DCC: variants seen among roughly 807,000 people sequenced by gnomAD.
The protein encoded by DCC is DCC netrin 1 receptor.
Under a neutral mutation model 172.5 loss-of-function variants are expected in DCC, and 58 were observed. That is an observed-to-expected ratio of 0.34 (90% confidence interval 0.27 to 0.42). DCC has a LOEUF of 0.42. Among genes scored for constraint, DCC ranks in the 10% least tolerant of loss-of-function variants. DCC has a pLI of 1.00. For missense variants in DCC, 1,740 were observed against 1,791.0 expected, an observed-to-expected ratio of 0.97 and a Z score of 0.51; for synonymous variants, 709 against 644.5, an observed-to-expected ratio of 1.10 and a Z score of -1.52.
At chr18:53,273,560 C>A (rs1320643392) in intron 12 of DCC, among the ~76,000 whole-genome samples, 3 of 152,086 alleles carry the variant, frequency 2.0e-5, no homozygotes, top group Non-Finnish European at 4.4e-5. Context: ...CTCAGTTCCA[C>A]TTTAAAAATT....
intron 1 of DCC, among the ~76,000 whole-genome samples, chr18:52,490,063 G>A (rs1426004444): frequency 6.6e-6 from 1 of 152,116 alleles, no homozygotes; most frequent in Non-Finnish European, 1.5e-5. Context: ...GTTCCCAGGA[G>A]AGCTGTTGGG....
chr18:52,879,412 C>CCTTTTTTT (rs2039447955), intron 2 of DCC, among the ~76,000 whole-genome samples: 1 of 62,356 alleles, frequency 1.6e-5, no homozygotes, highest in African/African-American at 6.9e-5. Flanking sequence ...TGTTGTTTGG[C>CCTTTTTTT]TTTTTTTTTT....
intron 2 of DCC, among the ~76,000 whole-genome samples, chr18:52,802,506 A>G (rs1568113679): frequency 6.6e-6 from 1 of 150,622 alleles, no homozygotes; most frequent in African/African-American, 2.4e-5. Flanking sequence ...ACAAGGTCTC[A>G]CTCTCTTGTC....
intron 9 of DCC, among the ~76,000 whole-genome samples, chr18:53,188,834 A>T (rs1598888973): frequency 6.6e-6 from 1 of 152,138 alleles, no homozygotes; most frequent in East Asian, 1.9e-4. Context: ...CTTGGCTGGT[A>T]GCTGCATAAT....
intron 5 of DCC, among the ~76,000 whole-genome samples, chr18:52,975,497 C>T (rs1416577550): frequency 6.6e-6 from 1 of 152,056 alleles, no homozygotes; most frequent in Non-Finnish European, 1.5e-5. Context: ...TTTTCCTGAT[C>T]CTCTCCCTCC....
intron 5 of DCC, among the ~76,000 whole-genome samples, chr18:53,018,546 TTCTC>T (rs1368485247): frequency 1.3e-5 from 2 of 152,178 alleles, no homozygotes; most frequent in African/African-American, 4.8e-5. Context: ...AAATATCTCT[TTCTC>T]AGGGATGATT....
At chr18:52,495,006 A>G (rs569879966) in intron 1 of DCC, among the ~76,000 whole-genome samples, 1 of 152,234 alleles carries the variant, frequency 6.6e-6, no homozygotes, top group African/African-American at 2.4e-5. Flanking sequence ...GACTGAGCTG[A>G]ATCAAGGCTG....
chr18:53,058,397 C>T (rs755320229), intron 5 of DCC, among the ~76,000 whole-genome samples: 3 of 152,006 alleles, frequency 2.0e-5, no homozygotes, highest in Admixed American at 2.0e-4. Flanking sequence ...ATTTTGAGAA[C>T]AGAAGTGGTA....
At chr18:52,959,693 G>A (rs2040809710) in intron 5 of DCC, among the ~76,000 whole-genome samples, 1 of 152,002 alleles carries the variant, frequency 6.6e-6, no homozygotes, top group African/African-American at 2.4e-5. Context: ...TCACACATGG[G>A]AGGCACACAA....
chr18:53,147,313 C>T (rs1421679381), intron 7 of DCC, among the ~76,000 whole-genome samples: 2 of 151,978 alleles, frequency 1.3e-5, no homozygotes, highest in Non-Finnish European at 2.9e-5. Context: ...CTTTTTCTTT[C>T]TCTCTCTCTC....
chr18:52,471,847 C>T (rs1200851597), intron 1 of DCC, among the ~76,000 whole-genome samples: 1 of 152,162 alleles, frequency 6.6e-6, no homozygotes, highest in African/African-American at 2.4e-5. Context: ...ACCTTGAATT[C>T]TCATTATTGT....
intron 5 of DCC, among the ~76,000 whole-genome samples, chr18:52,926,803 A>ATG (rs2040209064): frequency 1.4e-5 from 2 of 145,342 alleles, no homozygotes; most frequent in Non-Finnish European, 3.0e-5. Context: ...ACACACACAT[A>ATG]TACATATGTG....
chr18:53,460,285 T>G (rs1309563031), intron 24 of DCC, among the ~76,000 whole-genome samples: 3 of 118,468 alleles, frequency 2.5e-5, no homozygotes, highest in African/African-American at 5.9e-5. Flanking sequence ...TTTTTTTTTT[T>G]TTTTTTTTTT....
At chr18:53,501,795 C>G (rs1373747253) in intron 27 of DCC, among the ~76,000 whole-genome samples, 1 of 152,176 alleles carries the variant, frequency 6.6e-6, no homozygotes, top group Non-Finnish European at 1.5e-5. Flanking sequence ...TCAACCTATG[C>G]TCTGAAGTGC....
intron 11 of DCC, among the ~76,000 whole-genome samples, chr18:53,211,683 C>G (rs2055755296): frequency 6.6e-6 from 1 of 152,148 alleles, no homozygotes; most frequent in East Asian, 1.9e-4. Context: ...GAGATCGTGC[C>G]TCTGCACTGC....
At chr18:52,512,580 A>T (rs1237136121) in intron 1 of DCC, among the ~76,000 whole-genome samples, 1 of 152,196 alleles carries the variant, frequency 6.6e-6, no homozygotes, top group African/African-American at 2.4e-5. Flanking sequence ...TTCAAAATCC[A>T]TTGTCATATT....
chr18:53,281,322 A>G (rs2056869176), intron 12 of DCC, among the ~76,000 whole-genome samples: 1 of 152,152 alleles, frequency 6.6e-6, no homozygotes, highest in East Asian at 1.9e-4. Flanking sequence ...CTCTCTAACT[A>G]AATTTGATAT....
chr18:52,812,024 G>C (rs2038210658), intron 2 of DCC, among the ~76,000 whole-genome samples: 1 of 152,174 alleles, frequency 6.6e-6, no homozygotes, highest in South Asian at 2.1e-4. Flanking sequence ...TTAGGATTGA[G>C]AGCCAGCATG....
intron 1 of DCC, among the ~76,000 whole-genome samples, chr18:52,493,750 A>G (rs753252969): frequency 5.3e-5 from 8 of 152,078 alleles, no homozygotes; most frequent in Non-Finnish European, 1.2e-4. Flanking sequence ...AGATATTAAC[A>G]TGGGACTTTG....
Sources: allele counts gnomAD v4.1 joint callset (sites outside exome capture counted in the v4.1 genomes callset), GRCh38; gene constraint gnomAD v4.1.1; transcripts MANE v1.5; gene names NCBI Gene and HGNC (gene_info 2026-07-23, HGNC 2026-07-21).